SH3BP5L: variants seen among roughly 807,000 people sequenced by gnomAD.
SH3BP5L encodes the protein SH3 binding domain protein 5 like.
A neutral mutation model predicts 40.9 loss-of-function variants in SH3BP5L; 16 were observed. The ratio of observed to expected loss-of-function variants is 0.39; its 90% CI spans 0.27 to 0.59. The LOEUF is 0.59. Ranked by LOEUF, SH3BP5L falls within the 20% of genes least tolerant of loss-of-function variation. The pLI, the probability that SH3BP5L is intolerant of heterozygous loss-of-function variation, is 0.53. For synonymous variants in SH3BP5L, 229 were observed against 226.7 expected (o/e 1.01, Z -0.09); for missense variants, 471 against 544.6 (o/e 0.86, Z 1.35).
intron 2 of SH3BP5L, among the ~76,000 whole-genome samples, chr1:248,819,466 C>T (rs1292743141): frequency 6.6e-6 from 1 of 151,584 alleles, no homozygotes; most frequent in African/African-American, 2.4e-5. Flanking sequence ...CTTCAGGAGG[C>T]CGAGGTGGGA....
In SH3BP5L at chr1:248,811,885, A is replaced by G; in HGVS notation, c.*15T>C. On this transcript the variant is annotated 3_prime_UTR_variant, in exon 7 of 7. Transcript: ENST00000366472. ...CCGTGGTGGCAGATTCAAGCCAGGA[A>G]CCCTGGCCCCTCGGCTACAGGCTGA... 1 of 1,494,378 alleles carries G rather than the reference A, an allele frequency of 6.7e-7. No homozygotes were observed. Among genetic ancestry groups the G allele is most frequent in the Non-Finnish European group, 9.0e-7 (1 of 1,115,396 alleles). 92.6% of individuals were successfully genotyped at this position (1,494,378 alleles called of 1,614,324 possible).
Position 248,810,802 on chromosome 1 carries a change from G to C in SH3BP5L, c.*1098C>G, listed in dbSNP as rs761846516. The C allele has an allele frequency of 6.5e-6, 1 of 152,684 alleles. No individual in the cohort carries two copies. Among genetic ancestry groups the C allele is most frequent in the South Asian group, 2.1e-4 (1 of 4,826 alleles). The allele number at this position is 152,684 out of a possible 1,614,324, so 9.5% of individuals were successfully genotyped here. A position where few individuals can be genotyped will look rare whatever the true frequency, so the allele number is the denominator to read the frequency against. On this transcript the variant is annotated 3_prime_UTR_variant, in exon 7 of 7. Transcript: ENST00000366472. ...CCAGGCAGCTGGAGCTGCTCCCTGCGGAGGGCAGAACTTTTCACCCCAAGC... is the reference window on the plus strand; with the variant it reads ...CCAGGCAGCTGGAGCTGCTCCCTGCCGAGGGCAGAACTTTTCACCCCAAGC...
rs1664257855 is a variant in SH3BP5L at position 248,821,693 on chromosome 1, C to T, written c.183+3060G>A. Reference sequence around the variant, plus strand: ...CCTTTCCTCTTCCCTCCACTGGAACCCTCTCGGAAAGCTGAGGATGAGCCT... The same window carrying T: ...CCTTTCCTCTTCCCTCCACTGGAACTCTCTCGGAAAGCTGAGGATGAGCCT... On this transcript the variant is annotated intron_variant, in intron 2 of 6. Transcript: ENST00000366472. The surrounding 1 kb of genome is among the most constrained non-coding windows in gnomAD (Gnocchi z 4.6). 6.6e-6 allele frequency among the ~76,000 whole-genome samples: 1 copy of T among 151,984 alleles called. No homozygotes were observed. Among genetic ancestry groups the T allele is most frequent in the Admixed American group, 6.6e-5 (1 of 15,256 alleles).
chr1:248,822,953 C>G (rs2103019676), intron 2 of SH3BP5L, among the ~76,000 whole-genome samples: 1 of 152,294 alleles, frequency 6.6e-6, no homozygotes, highest in South Asian at 2.1e-4. Flanking sequence ...TGTGAGCCAC[C>G]ATGCCTGGCC....
Position 248,815,695 on chromosome 1 carries a change from G to A in SH3BP5L, c.375+839C>T, listed in dbSNP as rs147544542. On this transcript the variant is annotated intron_variant, in intron 4 of 6. Coordinates refer to ENST00000366472, the MANE Select transcript of SH3BP5L (RefSeq NM_030645.3). ...TTTCCTCTGCCCTAAGTCATCCCAG[G>A]GCCAGGTACTAGACAATTAGAGGCC... Among the ~76,000 whole-genome samples, 4 of 152,216 alleles carry A rather than the reference G, an allele frequency of 2.6e-5. No individual in the cohort carries two copies. The East Asian group carries it at 7.7e-4, about 29-fold the overall frequency.
Position 248,812,032 on chromosome 1 carries a change from G to C in SH3BP5L, c.1050C>G (p.Ser350=). 1 of 1,612,542 alleles carries C rather than the reference G, an allele frequency of 6.2e-7. No homozygotes were observed. The highest frequency in any genetic ancestry group is 8.5e-7 in the Non-Finnish European group (1 of 1,179,542). ...TVASDLQKCD[S]VEHLRGLSDH... ...CCGAGAGGCCTCGCAAGTGCTCCAC[G>C]GAGTCGCACTTCTGCAGGTCTGAAG... is the stretch of plus-strand genomic sequence containing the variant. Residue 350 remains serine, a synonymous_variant, in exon 7 of 7, where the codon TCC becomes TCG. Transcript: ENST00000366472. The surrounding 1 kb of genome is among the most constrained non-coding windows in gnomAD (Gnocchi z 6.1).
In SH3BP5L at chr1:248,825,133, C is replaced by T; in HGVS notation, c.-198G>A. 7.2e-7 allele frequency: 1 copy of T among 1,381,114 alleles called. No homozygotes were observed. The allele number at this position is 1,381,114 out of a possible 1,614,324, so 85.6% of individuals were successfully genotyped here. A position where few individuals can be genotyped will look rare whatever the true frequency, so the allele number is the denominator to read the frequency against. On this transcript the variant is annotated 5_prime_UTR_variant, in exon 2 of 7. Coordinates refer to ENST00000366472, the MANE Select transcript of SH3BP5L (RefSeq NM_030645.3). Reference sequence around the variant, plus strand: ...CAAGTTGTCAGTGGGGTTCCTAGAGCTGAAGCCTTGTCTGTGCAAAAGTTC... The same window carrying T: ...CAAGTTGTCAGTGGGGTTCCTAGAGTTGAAGCCTTGTCTGTGCAAAAGTTC...
chr1:248,815,824 A>G (rs1202369541), intron 4 of SH3BP5L, among the ~76,000 whole-genome samples: 1 of 152,030 alleles, frequency 6.6e-6, no homozygotes, highest in African/African-American at 2.4e-5. Context: ...CGAAAACCAC[A>G]CTAAGGCGCT....
rs753818825 is a variant in SH3BP5L at position 248,813,051 on chromosome 1, T to G, written c.649A>C (p.Arg217=). 6.2e-7 allele frequency: 1 copy of G among 1,611,402 alleles called. No individual in the cohort carries two copies. Among genetic ancestry groups the G allele is most frequent in the Admixed American group, 1.7e-5 (1 of 59,834 alleles). Residue 217 remains arginine, a synonymous_variant, in exon 6 of 7, where the codon AGG becomes CGG. Coordinates refer to ENST00000366472, the MANE Select transcript of SH3BP5L (RefSeq NM_030645.3). ...RVQALQKTLR[R]AIGKSRPYFE... ...TAGGGGCGGCTCTTGCCGATGGCCC[T>G]CCGGAGGGTCTTCTGCAGGGCTTGG... is the stretch of plus-strand genomic sequence containing the variant.
In SH3BP5L at chr1:248,811,771, CTCT is replaced by C; in HGVS notation, c.*126_*128del. 1.4e-6 allele frequency: 1 copy of C among 706,206 alleles called. No homozygotes were observed. The highest frequency in any genetic ancestry group is 2.3e-6 in the Non-Finnish European group (1 of 436,380). 43.7% of individuals were successfully genotyped at this position (706,206 alleles called of 1,614,324 possible). ...CACAGAGGACTCGAACACAGCTGGC[CTCT>C]CCCAGGGAAGCACTGGAGAAGGGGA... On this transcript the variant is annotated 3_prime_UTR_variant, in exon 7 of 7. Transcript: ENST00000366472.
At chr1:248,825,477 C>T (rs1664357042) in intron 1 of SH3BP5L, 111 bp from the exon 2 acceptor site, 2 of 716,380 alleles carry the variant, frequency 2.8e-6, no homozygotes, top group South Asian at 1.2e-4. Context: ...CACGCCCCCA[C>T]CCATGTATTC....
intron 4 of SH3BP5L, 136 bp from the exon 5 acceptor site, chr1:248,814,746 G>C (rs1210258345): frequency 9.7e-6 from 8 of 824,504 alleles, no homozygotes; most frequent in African/African-American, 1.7e-5. Flanking sequence ...ACTGTGCTGA[G>C]GATAAATGCC....
rs187001593 is a variant in SH3BP5L, at chr1:248,824,177, A to G, written c.183+576T>C. 2.6e-5 allele frequency among the ~76,000 whole-genome samples: 4 copies of G among 152,366 alleles called. No individual in the cohort carries two copies. The East Asian group carries it at 7.7e-4, about 29-fold the overall frequency. ...CACAACAAAAGTTACAAATCCTTGA[A>G]CATATGGGGTTTCTTTATAGATCTA... On this transcript the variant is annotated intron_variant, in intron 2 of 6. Transcript: ENST00000366472.
chr1:248,824,396 C>A (rs563538747), intron 2 of SH3BP5L, among the ~76,000 whole-genome samples: 1 of 152,318 alleles, frequency 6.6e-6, no homozygotes, highest in African/African-American at 2.4e-5. Flanking sequence ...GCATCCCTAA[C>A]TAAGGTGGCA....
chr1:248,812,026 C>T lies in SH3BP5L; in HGVS notation c.1056G>A (p.Glu352=). ...ASDLQKCDSV[E]HLRGLSDHVS... is the part of the protein sequence containing the mutation. ...CGTGGTCCGAGAGGCCTCGCAAGTG[C>T]TCCACGGAGTCGCACTTCTGCAGGT... Residue 352 remains glutamate (E), a synonymous_variant, in exon 7 of 7, where the codon GAG becomes GAA. Coordinates refer to ENST00000366472, the MANE Select transcript of SH3BP5L (RefSeq NM_030645.3). The surrounding 1 kb of genome is among the most constrained non-coding windows in gnomAD (Gnocchi z 6.1). 6.2e-7 allele frequency: 1 copy of T among 1,612,360 alleles called. No individual in the cohort carries two copies. Among genetic ancestry groups the T allele is most frequent in the South Asian group, 1.1e-5 (1 of 90,866 alleles).
At position 248,824,924 on chromosome 1, in the gene SH3BP5L, G is replaced by C. The variant is rs1377132206; in HGVS notation, c.12C>G (p.Leu4=). Residue 4 remains leucine (L), a synonymous_variant, in exon 2 of 7, where the codon CTC becomes CTG. Coordinates refer to ENST00000366472, the MANE Select transcript of SH3BP5L (RefSeq NM_030645.3). ...TCTCCCGCCCTCCTGGAACCTGTCT[G>C]AGCTCAGCCATGCTGACAGGGGGAG... MAE[L]RQVPGGRETP... 6.2e-7 allele frequency: 1 copy of C among 1,613,064 alleles called. No individual in the cohort carries two copies. Among genetic ancestry groups the C allele is most frequent in the East Asian group, 2.2e-5 (1 of 44,888 alleles).
Position 248,812,509 on chromosome 1 carries a change from CCTTCCCT to C in SH3BP5L, c.712-146_712-140del. 1.9e-6 allele frequency: 1 copy of C among 540,460 alleles called. No individual in the cohort carries two copies. The highest frequency in any genetic ancestry group is 3.1e-6 in the Non-Finnish European group (1 of 321,660). 33.5% of individuals were successfully genotyped at this position (540,460 alleles called of 1,614,324 possible). On this transcript the variant is annotated intron_variant, in intron 6 of 6. Coordinates refer to ENST00000366472, the MANE Select transcript of SH3BP5L (RefSeq NM_030645.3). This position sits in a 1 kb window ranked among gnomAD's most constrained non-coding sequence, Gnocchi z 6.1. ...AGCATCCACCACAGACCCACAACAG[CCTTCCCT>C]GCTCCACTCTCAGCACCCACCACAG...
chr1:248,811,898 G>C lies in SH3BP5L; in HGVS notation c.*2C>G, dbSNP rs781341288. On this transcript the variant is annotated 3_prime_UTR_variant, in exon 7 of 7. Coordinates refer to ENST00000366472, the MANE Select transcript of SH3BP5L (RefSeq NM_030645.3). ...TTCAAGCCAGGAACCCTGGCCCCTC[G>C]GCTACAGGCTGACGCTGCGCTGGTG... 13 of 1,511,450 alleles carry C rather than the reference G, an allele frequency of 8.6e-6. No individual in the cohort carries two copies. The highest frequency in any genetic ancestry group is 1.4e-5 in the African/African-American group (1 of 72,006). The allele number at this position is 1,511,450 out of a possible 1,614,324, so 93.6% of individuals were successfully genotyped here. A position where few individuals can be genotyped will look rare whatever the true frequency, so the allele number is the denominator to read the frequency against.
At position 248,812,264 on chromosome 1, in the gene SH3BP5L, G is replaced by A. The variant is rs765614964; in HGVS notation, c.818C>T (p.Ala273Val). The stretch of plus-strand genomic sequence containing the variant: ...GGGAGGCAGACCCCCGCGGCGCCGT[G>A]CGTGAATCTGCTCGCTGATCTGCTC... ...NLEQISEQIHARRRGGLPPHP... is the reference protein window; with the variant it reads ...NLEQISEQIHVRRRGGLPPHP... The change falls in exon 7 of 7, where the codon GCA becomes GTA. Residue 273 changes from alanine (A) to valine (V), a missense_variant. Ala to Val is a moderately conservative substitution (Grantham distance 64, BLOSUM62 0). This residue lies in a region of SH3BP5L where 275 missense variants were observed against 370.1 expected (regional missense o/e 0.74). Coordinates refer to ENST00000366472, the MANE Select transcript of SH3BP5L (RefSeq NM_030645.3). The surrounding 1 kb of genome is among the most constrained non-coding windows in gnomAD (Gnocchi z 6.1). 1 of 1,612,048 alleles carries A rather than the reference G, an allele frequency of 6.2e-7. No individual in the cohort carries two copies.
Sources: allele counts gnomAD v4.1 joint callset (sites outside exome capture counted in the v4.1 genomes callset), GRCh38; gene constraint gnomAD v4.1.1; regional missense constraint gnomAD v4.1.1; non-coding constraint Gnocchi (gnomAD v3.1); transcripts MANE v1.5; gene names NCBI Gene and HGNC (gene_info 2026-07-23, HGNC 2026-07-21).